Variants in CNTNAP5 observed in about 807,000 individuals in gnomAD.
CNTNAP5 encodes contactin-associated protein-like 5.
CNTNAP5 carries 72 observed loss-of-function variants against 150.2 expected under a neutral mutation model. The observed-to-expected ratio is 0.48, with a 90% confidence interval of 0.40 to 0.58. CNTNAP5 has a LOEUF of 0.58. Among genes scored for constraint, CNTNAP5 ranks in the 20% least tolerant of loss-of-function variants. The pLI, the probability that CNTNAP5 is intolerant of heterozygous loss-of-function variation, is 0.00. For missense variants in CNTNAP5, 1,636 were observed against 1,626.2 expected (o/e 1.01, Z -0.10); for synonymous variants, 672 against 619.8 (o/e 1.08, Z -1.25).
At chr2:124,434,059 T>A (rs1024023815) in intron 4 of CNTNAP5, among the ~76,000 whole-genome samples, 3 of 152,184 alleles carry the variant, frequency 2.0e-5, no homozygotes, top group Non-Finnish European at 4.4e-5. Flanking sequence ...GTTGGCATCA[T>A]AATTATATCT....
chr2:124,734,615 A>T (rs1040388867), intron 13 of CNTNAP5, among the ~76,000 whole-genome samples: 7 of 151,960 alleles, frequency 4.6e-5, no homozygotes, highest in African/African-American at 1.7e-4. Flanking sequence ...AAAGCAAAGC[A>T]ACTGCCTGTT....
At chr2:124,123,236 G>A (rs1683609482) in intron 1 of CNTNAP5, among the ~76,000 whole-genome samples, 1 of 152,098 alleles carries the variant, frequency 6.6e-6, no homozygotes, top group Non-Finnish European at 1.5e-5. Flanking sequence ...TTAGCAAATG[G>A]CACACCAGGA....
intron 1 of CNTNAP5, among the ~76,000 whole-genome samples, chr2:124,093,352 A>G (rs994142295): frequency 2.6e-5 from 4 of 152,216 alleles, no homozygotes; most frequent in African/African-American, 9.6e-5. Flanking sequence ...AGCCTCTAGA[A>G]GAGACTGGCA....
intron 10 of CNTNAP5, among the ~76,000 whole-genome samples, chr2:124,544,317 G>A (rs77636001): frequency 0.021 from 3,218 of 152,208 alleles, 47 homozygotes; most frequent in Non-Finnish European, 0.033. Flanking sequence ...AAATCAAATA[G>A]ATAAAGCTAA....
chr2:124,812,359 C>A (rs1052656013), intron 19 of CNTNAP5, among the ~76,000 whole-genome samples: 1 of 150,756 alleles, frequency 6.6e-6, no homozygotes, highest in Non-Finnish European at 1.5e-5. Flanking sequence ...TGAAGTCCCC[C>A]AACCCCCCAG....
intron 13 of CNTNAP5, among the ~76,000 whole-genome samples, chr2:124,713,304 CTTTCTCT>C (rs1679864081): frequency 3.6e-5 from 2 of 55,728 alleles, no homozygotes; most frequent in African/African-American, 1.1e-4. Flanking sequence ...TTTCTTTCTT[CTTTCTCT>C]TTCTTTCCTT....
Position 124,121,981 on chromosome 2 carries a change from T to G in CNTNAP5, c.82+96249T>G, listed in dbSNP as rs1683573209. On this transcript the variant is annotated intron_variant, in intron 1 of 23. Coordinates refer to ENST00000682447, the MANE Select transcript of CNTNAP5 (RefSeq NM_001367498.1). ...TTGGCTTTTGTATGTTCATTTTTCC[T>G]CCTCAGCTCTTTAGCAAGCATTCTA... Among the ~76,000 whole-genome samples the G allele has an allele frequency of 2.6e-5, 4 of 152,194 alleles. No individual in the cohort carries two copies. In the South Asian group the frequency reaches 8.3e-4, roughly 32 times the overall value.
At chr2:124,028,598 A>T (rs1680960956) in intron 1 of CNTNAP5, among the ~76,000 whole-genome samples, 1 of 152,128 alleles carries the variant, frequency 6.6e-6, no homozygotes, top group Non-Finnish European at 1.5e-5. Context: ...GTTTATCCTG[A>T]GGGAATTAGT....
intron 3 of CNTNAP5, among the ~76,000 whole-genome samples, chr2:124,355,725 G>A (rs1324363578): frequency 1.3e-5 from 2 of 152,096 alleles, no homozygotes; most frequent in East Asian, 1.9e-4. Context: ...TTTACAGCCA[G>A]GATCCATTAT....
In CNTNAP5 at chr2:124,401,202, A is replaced by G. The variant is rs1691416569; in HGVS notation, c.382-16241A>G. Among the ~76,000 whole-genome samples the G allele has an allele frequency of 2.0e-5, 3 of 152,190 alleles. No homozygotes were observed. In the South Asian group the frequency reaches 6.2e-4, roughly 32 times the overall value. On this transcript the variant is annotated intron_variant, in intron 3 of 23. Coordinates refer to ENST00000682447, the MANE Select transcript of CNTNAP5 (RefSeq NM_001367498.1). ...ACACTTAACACAGCAGAAGTCACGC[A>G]AAATCCAGAATTTCAGAACAAACAC...
intron 1 of CNTNAP5, among the ~76,000 whole-genome samples, chr2:124,131,149 C>A (rs1260667173): frequency 6.6e-6 from 1 of 151,924 alleles, no homozygotes; most frequent in Admixed American, 6.6e-5. Flanking sequence ...TTGTACTGAC[C>A]CTGATGAAAT....
intron 3 of CNTNAP5, among the ~76,000 whole-genome samples, chr2:124,357,117 T>C (rs11890386): frequency 0.013 from 1,958 of 152,182 alleles, 45 homozygotes; most frequent in African/African-American, 0.045. Flanking sequence ...TTGAGAAGTG[T>C]CTGTTCATGT....
At chr2:124,410,536 A>G (rs2104768873) in intron 3 of CNTNAP5, among the ~76,000 whole-genome samples, 1 of 143,632 alleles carries the variant, frequency 7.0e-6, no homozygotes, top group African/African-American at 2.5e-5. Flanking sequence ...TATCTCTCAG[A>G]CCACAGTGCA....
chr2:124,673,664 G>A (rs1376003262), intron 13 of CNTNAP5, among the ~76,000 whole-genome samples: 1 of 151,442 alleles, frequency 6.6e-6, no homozygotes, highest in East Asian at 1.9e-4. Context: ...CTAACTATGG[G>A]CATTACGTAA....
intron 19 of CNTNAP5, among the ~76,000 whole-genome samples, chr2:124,845,211 CT>C (rs1467336865): frequency 4.0e-5 from 6 of 151,786 alleles, no homozygotes; most frequent in Non-Finnish European, 7.4e-5. Context: ...TTTTCTAATA[CT>C]TTTTTTCTGC....
chr2:124,461,060 C>A (rs1693235924), intron 6 of CNTNAP5, among the ~76,000 whole-genome samples: 1 of 152,096 alleles, frequency 6.6e-6, no homozygotes, highest in African/African-American at 2.4e-5. Flanking sequence ...GAAATAGGAA[C>A]ACTTTTACAC....
chr2:124,035,185 A>C (rs1258880019), intron 1 of CNTNAP5, among the ~76,000 whole-genome samples: 1 of 152,166 alleles, frequency 6.6e-6, no homozygotes, highest in Admixed American at 6.5e-5. Flanking sequence ...AGGTAACTGT[A>C]CCATCTCAAA....
chr2:124,451,755 G>C (rs939003330), intron 6 of CNTNAP5, among the ~76,000 whole-genome samples: 1 of 152,090 alleles, frequency 6.6e-6, no homozygotes, highest in Non-Finnish European at 1.5e-5. Flanking sequence ...CCCACAAAAG[G>C]AGGATCATCT....
chr2:124,125,431 C>T (rs1026451641), intron 1 of CNTNAP5, among the ~76,000 whole-genome samples: 2 of 152,166 alleles, frequency 1.3e-5, no homozygotes, highest in Non-Finnish European at 2.9e-5. Context: ...TAGAGACCTA[C>T]AAAGAGACTT....
Sources: allele counts gnomAD v4.1 joint callset (sites outside exome capture counted in the v4.1 genomes callset), GRCh38; gene constraint gnomAD v4.1.1; transcripts MANE v1.5; gene names NCBI Gene and HGNC (gene_info 2026-07-23, HGNC 2026-07-21).